ADGRF1: variants seen among roughly 807,000 people sequenced by gnomAD.
The protein encoded by ADGRF1 is adhesion G protein-coupled receptor F1, also known as G protein-coupled receptor 110.
ADGRF1 carries 85 observed loss-of-function variants against 87.2 expected under a neutral mutation model. The ratio of observed to expected loss-of-function variants is 0.97; its 90% CI spans 0.82 to 1.17. ADGRF1 has a LOEUF of 1.17. Ranked by LOEUF, ADGRF1 falls within the 50% of genes most tolerant of loss-of-function variation. The probability of loss-of-function intolerance (pLI) is 0.00; values close to 1 mark genes in which losing one functional copy is unlikely to be tolerated. For synonymous variants in ADGRF1, 430 were observed against 408.8 expected (o/e 1.05, Z -0.63); for missense variants, 1,169 against 1,077.2 (o/e 1.09, Z -1.19).
At position 47,005,886 on chromosome 6, in the gene ADGRF1, C is replaced by A. The variant is rs1174847886; in HGVS notation, c.2533-10G>T. Reference sequence around the variant, plus strand: ...ACAGAAGTTGTCGCAGCTATAAGGGCAACAAAGAAATATTGAGGAGATACA... The same window carrying A: ...ACAGAAGTTGTCGCAGCTATAAGGGAAACAAAGAAATATTGAGGAGATACA... On this transcript the variant is annotated splice_polypyrimidine_tract_variant and intron_variant, in intron 12 of 14. Transcript: ENST00000371253. 2 of 1,603,610 alleles carry A rather than the reference C, an allele frequency of 1.2e-6. No individual in the cohort carries two copies. The highest frequency in any genetic ancestry group is 2.2e-5 in the South Asian group (2 of 90,214).
At chr6:47,015,819 A>G (rs1779858055) in intron 8 of ADGRF1, among the ~76,000 whole-genome samples, 1 of 151,778 alleles carries the variant, frequency 6.6e-6, no homozygotes, top group African/African-American at 2.4e-5. Flanking sequence ...GCTGGTCTCA[A>G]ACTTCTGATC....
chr6:47,020,313 T>A (rs1447325519), intron 7 of ADGRF1: 4 of 949,338 alleles, frequency 4.2e-6, no homozygotes, highest in Non-Finnish European at 4.4e-6. Flanking sequence ...GCCAACATGG[T>A]GAAACCCTGT....
intron 1 of ADGRF1, among the ~76,000 whole-genome samples, chr6:47,037,901 C>T (rs1780635088): frequency 6.6e-6 from 1 of 152,162 alleles, no homozygotes; most frequent in South Asian, 2.1e-4. Context: ...CGCCCTGTCA[C>T]CCAGGCTGGA....
At chr6:47,021,094 A>AT (rs779815349) in intron 6 of ADGRF1, among the ~76,000 whole-genome samples, 18 of 152,306 alleles carry the variant, frequency 1.2e-4, no homozygotes, top group Middle Eastern at 3.4e-3. Flanking sequence ...CGTAGAATAA[A>AT]TTTACCCAAA....
At position 47,009,024 on chromosome 6, in the gene ADGRF1, C is replaced by T. The variant is rs146684671; in HGVS notation, c.2411G>A (p.Trp804Ter). Residue 804 changes from tryptophan to a stop codon, truncating the protein, a stop_gained, in exon 11 of 15, where the codon TGG becomes TAG. Transcript: ENST00000371253. LOFTEE classifies it high-confidence loss of function. ...LILTPLLGLT[W>*]GFGIGTIVDS... Reference sequence around the variant, plus strand: ...CACTATTGTTCCTATTCCAAAGCCCCAGGTGAGCCCTAGCAGAGGGGTCAG... The same window carrying T: ...CACTATTGTTCCTATTCCAAAGCCCTAGGTGAGCCCTAGCAGAGGGGTCAG... 1.3e-4 allele frequency: 217 copies of T among 1,613,930 alleles called. No homozygotes were observed. Among genetic ancestry groups the T allele is most frequent in the Non-Finnish European group, 1.7e-4 (206 of 1,179,986 alleles).
chr6:47,011,932 A>G (rs1015732869), intron 10 of ADGRF1, 75 bp downstream of exon 10: 2 of 1,352,660 alleles, frequency 1.5e-6, no homozygotes, highest in Non-Finnish European at 2.0e-6. Context: ...ATAGTTCCCC[A>G]TATTTAAGGC....
intron 11 of ADGRF1, among the ~76,000 whole-genome samples, chr6:47,007,813 GC>G (rs1779575548): frequency 6.6e-6 from 1 of 152,174 alleles, no homozygotes; most frequent in African/African-American, 2.4e-5. Flanking sequence ...TTCAGTTGGT[GC>G]TTGTTCAGAC....
At chr6:47,040,287 A>G (rs527636626) in intron 1 of ADGRF1, among the ~76,000 whole-genome samples, 6 of 152,190 alleles carry the variant, frequency 3.9e-5, no homozygotes, top group Admixed American at 3.9e-4. Context: ...CCTGGCCAAC[A>G]CAATGAAACC....
At position 47,014,550 on chromosome 6, in the gene ADGRF1, C is replaced by T. The variant is rs112757864; in HGVS notation, c.927+131G>A. On this transcript the variant is annotated intron_variant, in intron 9 of 14. Transcript: ENST00000371253. ...CCACGGGTTCACCAGGGTCTGATGT[C>T]ATCCTTGCTCTTTGCATACTGGCCA... The T allele has an allele frequency of 5.2e-4, 770 of 1,467,448 alleles. 1 individual carries two copies. Among genetic ancestry groups the T allele is most frequent in the Middle Eastern group, 4.2e-3 (20 of 4,736 alleles). The allele number at this position is 1,467,448 out of a possible 1,614,324, so 90.9% of individuals were successfully genotyped here.
rs369425931 is a variant in ADGRF1, at chr6:47,014,696, A to T, written c.912T>A (p.Leu304=). 6.2e-7 allele frequency: 1 copy of T among 1,613,320 alleles called. No homozygotes were observed. Among genetic ancestry groups the T allele is most frequent in the African/African-American group, 1.3e-5 (1 of 74,840 alleles). Residue 304 remains leucine (L), a synonymous_variant, in exon 9 of 15, where the codon CTT becomes CTA. Coordinates refer to ENST00000371253, the MANE Select transcript of ADGRF1 (RefSeq NM_153840.4). The part of the protein sequence containing the change: ...VIRETCVLSL[L]EELNKNFSMI... ...AATGCCTCACCTTGTTCAGTTCTTC[A>T]AGCAGAGAGAGCACACAAGTCTCCC...
At chr6:47,028,183 T>A (rs1423369052) in intron 2 of ADGRF1, among the ~76,000 whole-genome samples, 1 of 152,118 alleles carries the variant, frequency 6.6e-6, no homozygotes, top group East Asian at 1.9e-4. Flanking sequence ...GAAGCCCCAT[T>A]GAGAACAGAG....
Position 47,001,541 on chromosome 6 carries a change from T to A in ADGRF1, c.2619A>T (p.Lys873Asn), listed in dbSNP as rs753005731. The change falls in exon 14 of 15, where the codon AAA (lysine) becomes AAT (asparagine). Residue 873 changes from lysine (K) to asparagine (N), a missense_variant. Transcript: ENST00000371253. ...GGTTGAAAGGCTTTGAGAATTTGGG[T>A]TTGGCAGATAAATCTGATGAGTTTT... ...EKQNSSDLSAKPKFSKPFNPL... is the reference protein window; with the variant it reads ...EKQNSSDLSANPKFSKPFNPL... 1.9e-6 allele frequency: 3 copies of A among 1,613,916 alleles called. No homozygotes were observed. Among genetic ancestry groups the A allele is most frequent in the Non-Finnish European group, 2.5e-6 (3 of 1,179,892 alleles).
chr6:47,013,205 C>T (rs530835410), intron 9 of ADGRF1: 2 of 985,552 alleles, frequency 2.0e-6, no homozygotes, highest in African/African-American at 3.5e-5. Context: ...AAGTGCCCGC[C>T]ATTTTCCTTC....
Position 47,024,035 on chromosome 6 carries a change from G to A in ADGRF1, c.451+9C>T, listed in dbSNP as rs189218622. 1.2e-5 allele frequency: 19 copies of A among 1,612,352 alleles called. No individual in the cohort carries two copies. Among genetic ancestry groups the A allele is most frequent in the Non-Finnish European group, 1.4e-5 (17 of 1,178,972 alleles). ...GAAGCCCCAGCCCAGAGCATTCTTAGTTGCTTACTTGTTCTCTCACAGAAA... is the reference window on the plus strand; with the variant it reads ...GAAGCCCCAGCCCAGAGCATTCTTAATTGCTTACTTGTTCTCTCACAGAAA... On this transcript the variant is annotated intron_variant, in intron 5 of 14. Transcript: ENST00000371253.
Position 47,000,304 on chromosome 6 carries a change from GA to G in ADGRF1, c.2660-10del, listed in dbSNP as rs538324513. On this transcript the variant is annotated splice_polypyrimidine_tract_variant and intron_variant, in intron 14 of 14. Transcript: ENST00000371253. ...AGAAAATGCATAATGGCCTGAAGGG[GA>G]AAAAAAAAGGAAATAATTATTGTTA... 2,829 of 1,522,764 alleles carry G rather than the reference GA, an allele frequency of 1.9e-3. 30 individuals carry two copies. In the African/African-American group the frequency reaches 0.027, roughly 15 times the overall value. The allele number at this position is 1,522,764 out of a possible 1,614,324, so 94.3% of individuals were successfully genotyped here. A position where few individuals can be genotyped will look rare whatever the true frequency, so the allele number is the denominator to read the frequency against.
chr6:47,016,166 G>A (rs577457855), intron 8 of ADGRF1, among the ~76,000 whole-genome samples: 22 of 152,270 alleles, frequency 1.4e-4, no homozygotes, highest in African/African-American at 4.3e-4. Context: ...TAGGAAAGGC[G>A]TAAGATTGAA....
chr6:47,026,325 CAAGACTGAAGGGGG>C (rs1298821359), intron 3 of ADGRF1, among the ~76,000 whole-genome samples: 1 of 152,078 alleles, frequency 6.6e-6, no homozygotes, highest in Non-Finnish European at 1.5e-5. Context: ...CTTCAGGTGT[CAAGACTGAAGGGGG>C]AAGAGGTGAG....
chr6:47,002,493 T>TA (rs1006702492), intron 13 of ADGRF1, among the ~76,000 whole-genome samples: 6 of 152,294 alleles, frequency 3.9e-5, no homozygotes, highest in African/African-American at 9.6e-5. Flanking sequence ...TATAAACCTT[T>TA]AAAAAAATCA....
At chr6:47,038,718 C>A (rs1028158927) in intron 1 of ADGRF1, among the ~76,000 whole-genome samples, 1 of 152,232 alleles carries the variant, frequency 6.6e-6, no homozygotes, top group Admixed American at 6.5e-5. Context: ...TTAATGAGGC[C>A]CTTTTCCTAT....
Sources: allele counts gnomAD v4.1 joint callset (sites outside exome capture counted in the v4.1 genomes callset), GRCh38; gene constraint gnomAD v4.1.1; transcripts MANE v1.5; gene names NCBI Gene and HGNC (gene_info 2026-07-23, HGNC 2026-07-21).